PARD3B: variants seen among roughly 807,000 people sequenced by gnomAD.
PARD3B encodes par-3 family cell polarity regulator beta.
A neutral mutation model predicts 130.2 loss-of-function variants in PARD3B; 103 were observed. The observed-to-expected ratio is 0.79, with a 90% CI of 0.67 to 0.93. The LOEUF (loss-of-function observed/expected upper bound fraction) is 0.93. PARD3B is among the 40% of genes least tolerant of loss of function. The pLI, the probability that PARD3B is intolerant of heterozygous loss-of-function variation, is 0.00. For missense variants in PARD3B, 1,609 were observed against 1,499.2 expected (o/e 1.07, Z -1.21); for synonymous variants, 583 against 553.2 (o/e 1.05, Z -0.76).
intron 2 of PARD3B, among the ~76,000 whole-genome samples, chr2:204,961,551 G>C (rs924481756): frequency 6.6e-6 from 1 of 152,122 alleles, no homozygotes; most frequent in Non-Finnish European, 1.5e-5. Flanking sequence ...GGTCTGGGTT[G>C]CACCACTTAA....
rs375491598 is a variant in PARD3B, at chr2:205,381,016, TATATATG to T, written c.2631-19990_2631-19984del. ...TAAAGAATATATATAATATAAAGAATATATATGATATATTATATATAAAGAATATATA... is the reference window on the plus strand; with the variant it reads ...TAAAGAATATATATAATATAAAGAATATATATTATATATAAAGAATATATA... On this transcript the variant is annotated intron_variant, in intron 18 of 22. Coordinates refer to ENST00000406610, the MANE Select transcript of PARD3B (RefSeq NM_001302769.2). Among the ~76,000 whole-genome samples, 85 of 54,380 alleles carry T rather than the reference TATATATG, an allele frequency of 1.6e-3. 6 individuals are homozygous for T. Among genetic ancestry groups the T allele is most frequent in the East Asian group, 6.6e-4 (1 of 1,522 alleles). The allele number at this position is 54,380 out of a possible 152,430, so 35.7% of individuals were successfully genotyped here. A position where few individuals can be genotyped will look rare whatever the true frequency, so the allele number is the denominator to read the frequency against.
chr2:205,409,167 G>A (rs2046511612), intron 19 of PARD3B, among the ~76,000 whole-genome samples: 1 of 152,064 alleles, frequency 6.6e-6, no homozygotes, highest in South Asian at 2.1e-4. Flanking sequence ...GTTTTTCATA[G>A]TACTAACCAA....
intron 16 of PARD3B, among the ~76,000 whole-genome samples, chr2:205,252,787 C>A (rs2039905004): frequency 7.1e-6 from 1 of 141,348 alleles, no homozygotes; most frequent in Non-Finnish European, 1.5e-5. Context: ...AATAAGAGGT[C>A]ACTTTTATAT....
intron 10 of PARD3B, among the ~76,000 whole-genome samples, chr2:205,127,734 A>G (rs2031601064): frequency 6.6e-6 from 1 of 152,196 alleles, no homozygotes; most frequent in Non-Finnish European, 1.5e-5. Flanking sequence ...GAAAATAAGA[A>G]AAAAAGAGTG....
At chr2:205,615,134 T>C (rs12469145) in intron 22 of PARD3B, among the ~76,000 whole-genome samples, 63,878 of 152,048 alleles carry the variant, frequency 0.42, 15,461 homozygotes, top group East Asian at 0.83. Context: ...CATGCACCAA[T>C]GTGAATGGAA....
chr2:205,196,773 G>T (rs1201674766), intron 15 of PARD3B, among the ~76,000 whole-genome samples: 1 of 152,044 alleles, frequency 6.6e-6, no homozygotes, highest in Non-Finnish European at 1.5e-5. Context: ...TAGTAAATTT[G>T]CACACATAGA....
chr2:205,132,958 G>T (rs936546562), intron 10 of PARD3B, among the ~76,000 whole-genome samples: 2 of 152,018 alleles, frequency 1.3e-5, no homozygotes, highest in African/African-American at 4.8e-5. Context: ...ACTAAAGTTG[G>T]TGATATAGAA....
chr2:205,283,521 A>C (rs1343822911), intron 16 of PARD3B, among the ~76,000 whole-genome samples: 1 of 152,170 alleles, frequency 6.6e-6, no homozygotes, highest in Non-Finnish European at 1.5e-5. Context: ...TTATGAATTC[A>C]AGTCCCTAAA....
chr2:205,537,149 C>T (rs2051898759), intron 21 of PARD3B, among the ~76,000 whole-genome samples: 1 of 152,126 alleles, frequency 6.6e-6, no homozygotes, highest in East Asian at 1.9e-4. Flanking sequence ...TCACAATTCT[C>T]CAACTGAGCC....
intron 3 of PARD3B, among the ~76,000 whole-genome samples, chr2:205,007,829 T>A (rs897616378): frequency 1.1e-4 from 16 of 152,204 alleles, no homozygotes; most frequent in Non-Finnish European, 1.9e-4. Flanking sequence ...GAACATGGGA[T>A]GTTATTCCAT....
intron 1 of PARD3B, among the ~76,000 whole-genome samples, chr2:204,585,280 A>G (rs2032766806): frequency 6.6e-6 from 1 of 152,126 alleles, no homozygotes; most frequent in Admixed American, 6.5e-5. Context: ...TTTCTAATGT[A>G]CTGAGGTCTT....
intron 19 of PARD3B, among the ~76,000 whole-genome samples, chr2:205,403,967 G>A (rs2046336893): frequency 6.6e-6 from 1 of 152,006 alleles, no homozygotes; most frequent in Non-Finnish European, 1.5e-5. Context: ...AAGGGAATAT[G>A]GGTCACTTGC....
chr2:204,998,746 G>A (rs1344558382), intron 3 of PARD3B, among the ~76,000 whole-genome samples: 6 of 151,674 alleles, frequency 4.0e-5, no homozygotes, highest in African/African-American at 9.7e-5. Flanking sequence ...TTATAGTTTC[G>A]CAGTGTTGCC....
chr2:205,100,858 A>G (rs1702728866), intron 4 of PARD3B, among the ~76,000 whole-genome samples: 3 of 152,156 alleles, frequency 2.0e-5, no homozygotes, highest in Admixed American at 6.5e-5. Flanking sequence ...TAATAGGCCT[A>G]AATGTAAGAG....
In PARD3B at chr2:205,281,302, G is replaced by C. The variant is rs2041179398; in HGVS notation, c.2186-19228G>C. On this transcript the variant is annotated intron_variant, in intron 16 of 22. Transcript: ENST00000406610. The surrounding 1 kb of genome is among the most constrained non-coding windows in gnomAD (Gnocchi z 4.2). ...GCATCTCAGGTACTGAAAAGAATTT[G>C]AAAATTAGAAACAGAATACCAGGTA... 6.6e-6 allele frequency among the ~76,000 whole-genome samples: 1 copy of C among 152,196 alleles called. No homozygotes were observed. The highest frequency in any genetic ancestry group is 2.4e-5 in the African/African-American group (1 of 41,444).
At chr2:205,168,316 A>AGTGT (rs200083729) in intron 11 of PARD3B, among the ~76,000 whole-genome samples, 2 of 142,850 alleles carry the variant, frequency 1.4e-5, no homozygotes, top group African/African-American at 5.2e-5. Flanking sequence ...AGAGAGAGAG[A>AGTGT]GAGAGTGTGT....
chr2:205,206,778 A>G (rs376185415), intron 15 of PARD3B, among the ~76,000 whole-genome samples: 1 of 152,046 alleles, frequency 6.6e-6, no homozygotes, highest in Non-Finnish European at 1.5e-5. Flanking sequence ...GGAGACTTTA[A>G]CACCCCACTG....
chr2:204,860,915 A>T lies in PARD3B; in HGVS notation c.223-104237A>T, dbSNP rs73982559. The stretch of plus-strand genomic sequence containing the variant: ...GGTTCTTGTTTAGCATTGGGCTAAA[A>T]TAATGTACAGTGAAGTCAGGTTTGG... On this transcript the variant is annotated intron_variant, in intron 2 of 22. Transcript: ENST00000406610. Among the ~76,000 whole-genome samples the T allele has an allele frequency of 8.2e-3, 1,252 of 152,332 alleles. 11 individuals carry two copies. Among genetic ancestry groups the T allele is most frequent in the African/African-American group, 0.028 (1,155 of 41,580 alleles).
intron 15 of PARD3B, among the ~76,000 whole-genome samples, chr2:205,212,012 A>G (rs1415529666): frequency 6.6e-6 from 1 of 152,052 alleles, no homozygotes; most frequent in Non-Finnish European, 1.5e-5. Context: ...TTCCATTAGA[A>G]TTTTTTTATT....
Sources: gnomAD v4.1 joint callset for allele counts (sites outside exome capture counted in the v4.1 genomes callset) on GRCh38, gnomAD v4.1.1 for gene constraint, Gnocchi (gnomAD v3.1) non-coding constraint, MANE v1.5 for transcripts, NCBI Gene and HGNC (gene_info 2026-07-23, HGNC 2026-07-21) for gene names.